Variants in UTRN observed in about 807,000 individuals in gnomAD.
UTRN encodes dystrophin-related protein 1.
UTRN carries 283 observed loss-of-function variants against 463.9 expected under a neutral mutation model. The observed-to-expected ratio is 0.61, with a 90% confidence interval of 0.55 to 0.67. The LOEUF (loss-of-function observed/expected upper bound fraction) is 0.67, where lower values mean the gene tolerates loss of function less well. Ranked by LOEUF, UTRN falls within the 30% of genes least tolerant of loss-of-function variation. The pLI is 0.00. For synonymous variants in UTRN, 1,442 were observed against 1,431.5 expected (o/e 1.01, Z -0.17); for missense variants, 3,922 against 4,084.3 (o/e 0.96, Z 1.08).
chr6:144,763,622 T>G (rs17074132), intron 58 of UTRN, among the ~76,000 whole-genome samples: 3,179 of 152,280 alleles, frequency 0.021, 109 homozygotes, highest in African/African-American at 0.072. Context: ...GCTTAGGCAA[T>G]ACAGAAGAAA....
At chr6:144,686,433 G>A (rs1353611695) in intron 52 of UTRN, among the ~76,000 whole-genome samples, 1 of 152,068 alleles carries the variant, frequency 6.6e-6, no homozygotes, top group Non-Finnish European at 1.5e-5. Context: ...TTTAAGTCCA[G>A]TGTTTCTTGG....
chr6:144,593,206 A>C (rs1375894965), intron 51 of UTRN, among the ~76,000 whole-genome samples: 2 of 152,196 alleles, frequency 1.3e-5, no homozygotes, highest in Non-Finnish European at 2.9e-5. Context: ...AACAAAATGC[A>C]CAAACAAAGC....
chr6:144,315,354 A>G (rs1584252584), intron 2 of UTRN, among the ~76,000 whole-genome samples: 1 of 152,186 alleles, frequency 6.6e-6, no homozygotes, highest in African/African-American at 2.4e-5. Context: ...GCACTGTTCC[A>G]GGACCCAGTG....
chr6:144,466,058 G>A (rs1789929393), intron 23 of UTRN, among the ~76,000 whole-genome samples: 1 of 152,078 alleles, frequency 6.6e-6, no homozygotes, highest in African/African-American at 2.4e-5. Context: ...TATTAACAGT[G>A]GATCCTTGTA....
intron 23 of UTRN, among the ~76,000 whole-genome samples, chr6:144,472,222 AG>A (rs1304860809): frequency 6.6e-6 from 1 of 152,326 alleles, no homozygotes; most frequent in African/African-American, 2.4e-5. Flanking sequence ...ATATGTGCTT[AG>A]GAAAGAATGT....
chr6:144,423,469 T>C (rs1399312273), intron 4 of UTRN, 80 bp from the exon 5 acceptor site: 5 of 1,404,520 alleles, frequency 3.6e-6, no homozygotes, highest in African/African-American at 1.4e-5. Context: ...GCTTCACTTC[T>C]GTGTGTATCT....
chr6:144,517,195 CTATCTATT>C (rs1339704735), intron 39 of UTRN, among the ~76,000 whole-genome samples: 4 of 151,850 alleles, frequency 2.6e-5, no homozygotes, highest in Non-Finnish European at 5.9e-5. Flanking sequence ...TAAAAGAGAT[CTATCTATT>C]TCAGAAGTGG....
chr6:144,440,045 T>C (rs1786992341), intron 12 of UTRN, among the ~76,000 whole-genome samples: 1 of 152,226 alleles, frequency 6.6e-6, no homozygotes, highest in African/African-American at 2.4e-5. Context: ...TTTGTATTAA[T>C]TCCTAGTATG....
intron 66 of UTRN, among the ~76,000 whole-genome samples, chr6:144,824,431 C>CATTGTATATATATACACTATGTATATGT (rs1554407785): frequency 8.9e-6 from 1 of 112,674 alleles, no homozygotes; most frequent in African/African-American, 3.6e-5. Flanking sequence ...CACACACACA[C>CATTGTATATATATACACTATGTATATGT]ATTGTATATA....
At chr6:144,770,337 T>C (rs1189338863) in intron 58 of UTRN, among the ~76,000 whole-genome samples, 4 of 152,186 alleles carry the variant, frequency 2.6e-5, no homozygotes, top group Non-Finnish European at 4.4e-5. Context: ...ATAACAGTGA[T>C]GATATTCTTT....
At chr6:144,328,361 G>GA (rs1284621740) in intron 2 of UTRN, among the ~76,000 whole-genome samples, 1 of 152,092 alleles carries the variant, frequency 6.6e-6, no homozygotes, top group African/African-American at 2.4e-5. Context: ...TGAAACAAAG[G>GA]AAAATGACTT....
Position 144,332,777 on chromosome 6 carries a change from A to G in UTRN, c.79+40870A>G, listed in dbSNP as rs565988017. On this transcript the variant is annotated intron_variant, in intron 2 of 74. Transcript: ENST00000367545. ...TATATTCTCAGTTCTCTAAAACCTG[A>G]TAATTTTGGTGATTTACTCTTATCT... Among the ~76,000 whole-genome samples, 87 of 152,170 alleles carry G rather than the reference A, an allele frequency of 5.7e-4. 1 individual carries two copies. The highest frequency in any genetic ancestry group is 2.0e-3 in the African/African-American group (82 of 41,524).
chr6:144,322,309 C>A (rs1423839919), intron 2 of UTRN, among the ~76,000 whole-genome samples: 2 of 151,196 alleles, frequency 1.3e-5, no homozygotes, highest in African/African-American at 4.9e-5. Context: ...AGCAAGTGAT[C>A]TTGGTGGCTC....
At chr6:144,463,808 A>C (rs1283873013) in intron 23 of UTRN, among the ~76,000 whole-genome samples, 1 of 151,738 alleles carries the variant, frequency 6.6e-6, no homozygotes, top group Non-Finnish European at 1.5e-5. Flanking sequence ...CTGTATATCT[A>C]TCTATCTATA....
chr6:144,542,660 GT>G (rs553751079), intron 45 of UTRN, 134 bp from the exon 46 acceptor site: 52 of 797,414 alleles, frequency 6.5e-5, no homozygotes, highest in Non-Finnish European at 6.4e-5. Flanking sequence ...GAGAGTGAAG[GT>G]AGAGCCAGAA....
At chr6:144,393,834 T>C (rs762617350) in intron 2 of UTRN, among the ~76,000 whole-genome samples, 10 of 152,148 alleles carry the variant, frequency 6.6e-5, no homozygotes, top group East Asian at 1.9e-4. Flanking sequence ...GGGATGTTCA[T>C]TGTGGCCCTT....
At chr6:144,783,684 C>A (rs1326636566) in intron 61 of UTRN, among the ~76,000 whole-genome samples, 1 of 152,172 alleles carries the variant, frequency 6.6e-6, no homozygotes. Context: ...TTCCCCCTAC[C>A]TATATGTACT....
chr6:144,824,393 A>G (rs1779860646), intron 66 of UTRN, among the ~76,000 whole-genome samples: 2 of 96,672 alleles, frequency 2.1e-5, no homozygotes, highest in African/African-American at 9.9e-5. Flanking sequence ...TCTGGGTTTT[A>G]TATATAAAAC....
intron 13 of UTRN, among the ~76,000 whole-genome samples, chr6:144,441,806 G>T (rs187399994): frequency 1.1e-4 from 16 of 152,320 alleles, no homozygotes; most frequent in South Asian, 2.1e-4. Flanking sequence ...TGAAATCTAG[G>T]TGGATGTTCC....
Sources: allele counts gnomAD v4.1 joint callset (sites outside exome capture counted in the v4.1 genomes callset), GRCh38; gene constraint gnomAD v4.1.1; transcripts MANE v1.5; gene names NCBI Gene and HGNC (gene_info 2026-07-23, HGNC 2026-07-21).